MORC1: variants seen among roughly 807,000 people sequenced by gnomAD.
MORC1 encodes the protein MORC family CW-type zinc finger 1, also known as MORC family CW-type zinc finger protein 1.
MORC1 carries 59 observed loss-of-function variants against 134.9 expected under a neutral mutation model. That is an observed-to-expected ratio of 0.44 (90% CI 0.35 to 0.54). The LOEUF is 0.54. Ranked by LOEUF, MORC1 falls within the 20% of genes least tolerant of loss-of-function variation. The pLI is 0.00. For missense variants in MORC1, 947 were observed against 1,134.5 expected, an observed-to-expected ratio of 0.83 and a Z score of 2.37; for synonymous variants, 395 against 391.7, an observed-to-expected ratio of 1.01 and a Z score of -0.10.
chr3:108,983,597 A>G (rs886135187), intron 23 of MORC1, among the ~76,000 whole-genome samples: 5 of 152,196 alleles, frequency 3.3e-5, no homozygotes, highest in Non-Finnish European at 7.3e-5. Context: ...GAAGACAGAG[A>G]TTCAAACAGA....
intron 8 of MORC1, among the ~76,000 whole-genome samples, chr3:109,087,121 C>G (rs1950628967): frequency 6.6e-6 from 1 of 151,936 alleles, no homozygotes; most frequent in Non-Finnish European, 1.5e-5. Flanking sequence ...CCTTCATTCC[C>G]ACTCCATCCT....
rs757607090 is a variant in MORC1, at chr3:108,986,952, GA to G, written c.2188-4del. On this transcript the variant is annotated splice_polypyrimidine_tract_variant and splice_region_variant and intron_variant, in intron 21 of 27. Coordinates refer to ENST00000232603, the MANE Select transcript of MORC1 (RefSeq NM_014429.4). ...TCAGTGTTGCTTTTATCTGAAACCT[GA>G]AAAACAAGCTCTTTATTTAAAACTG... 7.1e-6 allele frequency: 11 copies of G among 1,554,844 alleles called. No individual in the cohort carries two copies. In the East Asian group the frequency reaches 2.5e-4, roughly 35 times the overall value.
At chr3:109,079,324 CTCA>C (rs547556394) in intron 8 of MORC1, among the ~76,000 whole-genome samples, 132 of 152,116 alleles carry the variant, frequency 8.7e-4, no homozygotes, top group African/African-American at 3.0e-3. Context: ...CATAAACTCT[CTCA>C]TAATAAAACA....
At chr3:109,056,680 A>G (rs1353157768) in intron 13 of MORC1, among the ~76,000 whole-genome samples, 1 of 152,232 alleles carries the variant, frequency 6.6e-6, no homozygotes, top group Non-Finnish European at 1.5e-5. Flanking sequence ...ACAATGCTGC[A>G]CTATAGGTGC....
chr3:109,023,236 T>C (rs1355953916), intron 17 of MORC1, among the ~76,000 whole-genome samples: 2 of 152,108 alleles, frequency 1.3e-5, no homozygotes, highest in African/African-American at 4.8e-5. Flanking sequence ...AAGTGAACAC[T>C]TGTAAGAAAT....
chr3:109,103,267 A>C (rs143617735), intron 4 of MORC1, among the ~76,000 whole-genome samples: 12 of 152,360 alleles, frequency 7.9e-5, no homozygotes, highest in Non-Finnish European at 1.8e-4. Flanking sequence ...CACAGCACAC[A>C]GACACTGTAT....
intron 8 of MORC1, among the ~76,000 whole-genome samples, chr3:109,074,567 AC>A (rs1267887235): frequency 1.3e-5 from 2 of 152,294 alleles, no homozygotes; most frequent in East Asian, 3.9e-4. Context: ...TCCCTCTCTC[AC>A]CCTAATGAAG....
intron 23 of MORC1, among the ~76,000 whole-genome samples, chr3:108,984,081 G>A (rs576929881): frequency 4.7e-4 from 71 of 152,126 alleles, no homozygotes; most frequent in Non-Finnish European, 8.1e-4. Context: ...GTCAGCAAGT[G>A]CAGGAAAATA....
chr3:109,099,473 TA>T lies in MORC1; in HGVS notation c.315-8del. 6.3e-7 allele frequency: 1 copy of T among 1,593,150 alleles called. No homozygotes were observed. Among genetic ancestry groups the T allele is most frequent in the Middle Eastern group, 1.7e-4 (1 of 5,958 alleles). On this transcript the variant is annotated splice_region_variant and splice_polypyrimidine_tract_variant and intron_variant, in intron 5 of 27. Coordinates refer to ENST00000232603, the MANE Select transcript of MORC1 (RefSeq NM_014429.4). ...TCCAATTCTCATGGACCCACTATAT[TA>T]AAAATGAAGAACATCATGTTTTACA...
chr3:109,044,228 T>C (rs955113039), intron 14 of MORC1, among the ~76,000 whole-genome samples: 6 of 152,114 alleles, frequency 3.9e-5, no homozygotes, highest in African/African-American at 1.4e-4. Context: ...TCCTAATATT[T>C]AAATTAATCT....
At chr3:109,082,159 C>A (rs1024286818) in intron 8 of MORC1, among the ~76,000 whole-genome samples, 2 of 151,876 alleles carry the variant, frequency 1.3e-5, no homozygotes, top group African/African-American at 2.4e-5. Flanking sequence ...TAGGACAGGG[C>A]AGTGCTCTGA....
At chr3:108,968,453 C>T (rs1445920932) in intron 26 of MORC1, among the ~76,000 whole-genome samples, 1 of 152,188 alleles carries the variant, frequency 6.6e-6, no homozygotes, top group Non-Finnish European at 1.5e-5. Context: ...TTAGGTTCTA[C>T]TTGTCAAGTT....
At chr3:108,986,245 C>T (rs1209092948) in intron 22 of MORC1, among the ~76,000 whole-genome samples, 3 of 151,980 alleles carry the variant, frequency 2.0e-5, no homozygotes, top group Admixed American at 2.0e-4. Flanking sequence ...CATTAGAATG[C>T]ATAATAAAAA....
intron 24 of MORC1, among the ~76,000 whole-genome samples, chr3:108,974,674 G>A (rs1947499322): frequency 6.6e-6 from 1 of 152,208 alleles, no homozygotes; most frequent in African/African-American, 2.4e-5. Context: ...TCCCACTTAG[G>A]AACAGGAATA....
At chr3:109,113,114 T>C (rs989015122) in intron 2 of MORC1, among the ~76,000 whole-genome samples, 2 of 152,122 alleles carry the variant, frequency 1.3e-5, no homozygotes, top group African/African-American at 4.8e-5. Context: ...AGTGGGCCCA[T>C]TCAGTAGGAG....
At chr3:109,018,872 C>A (rs1232393733) in intron 17 of MORC1, 1 of 152,160 alleles carries the variant, frequency 6.6e-6, no homozygotes, top group East Asian at 1.9e-4. Flanking sequence ...TAGCTTAATT[C>A]CTCACCTCCA....
chr3:108,959,223 A>G, intron 27 of MORC1, 103 bp from the exon 28 acceptor site: 1 of 918,068 alleles, frequency 1.1e-6, no homozygotes, highest in South Asian at 1.9e-5. Flanking sequence ...TCATGCTGCA[A>G]CAAAAGCCAC....
intron 8 of MORC1, among the ~76,000 whole-genome samples, chr3:109,070,277 T>A (rs983349395): frequency 6.6e-6 from 1 of 152,124 alleles, no homozygotes. Flanking sequence ...AAATAAGTAT[T>A]TATGGCCAGC....
chr3:109,117,376 C>T (rs372705740), intron 1 of MORC1, among the ~76,000 whole-genome samples: 2 of 147,916 alleles, frequency 1.4e-5, no homozygotes, highest in East Asian at 3.9e-4. Flanking sequence ...AAAACCCGGA[C>T]GTTCCACTGT....
Sources: allele counts gnomAD v4.1 joint callset (sites outside exome capture counted in the v4.1 genomes callset), GRCh38; gene constraint gnomAD v4.1.1; transcripts MANE v1.5; gene names NCBI Gene and HGNC (gene_info 2026-07-23, HGNC 2026-07-21).